FXN: variants seen among roughly 807,000 people sequenced by gnomAD.
FXN encodes frataxin, mitochondrial.
FXN carries 14 observed loss-of-function variants against 22.4 expected under a neutral mutation model. The ratio of observed to expected loss-of-function variants is 0.62; its 90% CI spans 0.41 to 0.98. The LOEUF (loss-of-function observed/expected upper bound fraction) is 0.98. Among genes scored for constraint, FXN ranks in the 50% least tolerant of loss-of-function variants. The probability of loss-of-function intolerance (pLI) is 0.00; values close to 1 mark genes in which losing one functional copy is unlikely to be tolerated. For missense variants in FXN, 267 were observed against 268.4 expected (o/e 0.99, Z 0.04); for synonymous variants, 120 against 114.1 (o/e 1.05, Z -0.33).
chr9:69,050,043 T>C (rs879736293), intron 2 of FXN, among the ~76,000 whole-genome samples: 2 of 152,212 alleles, frequency 1.3e-5, no homozygotes, highest in Non-Finnish European at 2.9e-5. Context: ...CCCTCCCTCT[T>C]TTCCTTCTAG....
In FXN at chr9:69,076,748, G is replaced by A; in HGVS notation, c.*3986G>A. 4.1e-6 allele frequency: 4 copies of A among 985,382 alleles called. No individual in the cohort carries two copies. The highest frequency in any genetic ancestry group is 4.8e-6 in the Non-Finnish European group (4 of 829,924). The allele number at this position is 985,382 out of a possible 1,614,324, so 61.0% of individuals were successfully genotyped here. A position where few individuals can be genotyped will look rare whatever the true frequency, so the allele number is the denominator to read the frequency against. Reference sequence around the variant, plus strand: ...ACACACTAAGATGAAAGTAATTTTAGTCCGTGTCCAGTTGGATTCTTGGCA... The same window carrying A: ...ACACACTAAGATGAAAGTAATTTTAATCCGTGTCCAGTTGGATTCTTGGCA... On this transcript the variant is annotated 3_prime_UTR_variant, in exon 5 of 5. Coordinates refer to ENST00000484259, the MANE Select transcript of FXN (RefSeq NM_000144.5).
At chr9:69,066,938 A>C (rs1003192900) in intron 4 of FXN, among the ~76,000 whole-genome samples, 2 of 151,992 alleles carry the variant, frequency 1.3e-5, no homozygotes, top group African/African-American at 4.8e-5. Context: ...CCTTGGCCAG[A>C]GCAGGCCACA....
At chr9:69,048,320 T>C (rs1831795621) in intron 2 of FXN, among the ~76,000 whole-genome samples, 1 of 152,158 alleles carries the variant, frequency 6.6e-6, no homozygotes, top group Non-Finnish European at 1.5e-5. Context: ...CCTTAGCTTC[T>C]CTGGCTGAGT....
chr9:69,071,245 C>T (rs748394966), intron 4 of FXN: 2 of 519,060 alleles, frequency 3.9e-6, no homozygotes, highest in Non-Finnish European at 7.7e-6. Context: ...AGTCCTTTTC[C>T]TGTGACCCTG....
intron 1 of FXN, among the ~76,000 whole-genome samples, chr9:69,039,911 C>T (rs564611637): frequency 6.6e-6 from 1 of 152,232 alleles, no homozygotes; most frequent in East Asian, 1.9e-4. Context: ...CGGCACCGGG[C>T]GTCATATGGT....
At chr9:69,062,778 G>A (rs1046165308) in intron 3 of FXN, among the ~76,000 whole-genome samples, 1 of 152,056 alleles carries the variant, frequency 6.6e-6, no homozygotes, top group Non-Finnish European at 1.5e-5. Flanking sequence ...GTGTTACAAG[G>A]TGAAAAGTTC....
chr9:69,040,994 C>G (rs1831647985), intron 1 of FXN, among the ~76,000 whole-genome samples: 1 of 152,180 alleles, frequency 6.6e-6, no homozygotes, highest in Non-Finnish European at 1.5e-5. Flanking sequence ...AAACACATTT[C>G]TATTGTTTAT....
At chr9:69,057,561 A>G (rs1210937012) in intron 3 of FXN, among the ~76,000 whole-genome samples, 1 of 152,176 alleles carries the variant, frequency 6.6e-6, no homozygotes, top group Non-Finnish European at 1.5e-5. Context: ...CTAAAGCTAT[A>G]CAGTGGCTGC....
chr9:69,067,199 C>A (rs12684239), intron 4 of FXN, among the ~76,000 whole-genome samples: 1 of 152,210 alleles, frequency 6.6e-6, no homozygotes, highest in Admixed American at 6.5e-5. Flanking sequence ...CGTCCCGCTC[C>A]GGGCCTCACC....
intron 4 of FXN, among the ~76,000 whole-genome samples, chr9:69,068,770 T>C (rs1451696734): frequency 6.6e-6 from 1 of 152,028 alleles, no homozygotes; most frequent in Non-Finnish European, 1.5e-5. Flanking sequence ...CTGGTGGTGG[T>C]CTTACGTTGA....
At chr9:69,065,958 A>G (rs192126341) in intron 4 of FXN, among the ~76,000 whole-genome samples, 33 of 152,304 alleles carry the variant, frequency 2.2e-4, no homozygotes, top group Admixed American at 1.8e-3. Flanking sequence ...TTGCTGCTCC[A>G]GGGCATTTAA....
At position 69,078,300 on chromosome 9, in the gene FXN, A is replaced by T; in HGVS notation, c.*5538A>T. The T allele has an allele frequency of 2.0e-6, 2 of 985,444 alleles. No individual in the cohort carries two copies. The highest frequency in any genetic ancestry group is 2.4e-6 in the Non-Finnish European group (2 of 829,964). 61.0% of individuals were successfully genotyped at this position (985,444 alleles called of 1,614,324 possible). A position where few individuals can be genotyped will look rare whatever the true frequency, so the allele number is the denominator to read the frequency against. On this transcript the variant is annotated 3_prime_UTR_variant, in exon 5 of 5. Coordinates refer to ENST00000484259, the MANE Select transcript of FXN (RefSeq NM_000144.5). ...AGCATAGCCACCTGATCCTGCTGGG[A>T]TTCCTCTTGCCAGTCCATCAGCAGT...
intron 4 of FXN, among the ~76,000 whole-genome samples, chr9:69,072,119 A>C (rs2133137558): frequency 6.6e-6 from 1 of 152,344 alleles, no homozygotes; most frequent in African/African-American, 2.4e-5. Flanking sequence ...GGGGTGATGC[A>C]GATGTTTTGA....
At chr9:69,063,947 G>A (rs959868353) in intron 3 of FXN, among the ~76,000 whole-genome samples, 7 of 152,190 alleles carry the variant, frequency 4.6e-5, no homozygotes, top group African/African-American at 1.4e-4. Context: ...GCCTCCCAAA[G>A]TGCTGGAATT....
At chr9:69,044,309 C>T (rs1831708426) in intron 1 of FXN, among the ~76,000 whole-genome samples, 3 of 152,158 alleles carry the variant, frequency 2.0e-5, no homozygotes, top group African/African-American at 7.2e-5. Flanking sequence ...AGATGGAGAA[C>T]ACTGTAGAAT....
intron 3 of FXN, among the ~76,000 whole-genome samples, chr9:69,064,502 C>T (rs1158178328): frequency 1.3e-5 from 2 of 152,272 alleles, no homozygotes; most frequent in South Asian, 2.1e-4. Context: ...CTGTAATAGA[C>T]TTGTCATGTC....
At chr9:69,035,978 C>T (rs867828366) in intron 1 of FXN, 31 bp downstream of exon 1, 6 of 1,407,246 alleles carry the variant, frequency 4.3e-6, no homozygotes, top group Non-Finnish European at 4.6e-6. Context: ...CAGCCGCGGG[C>T]CGCACGCCGC....
chr9:69,047,256 A>G (rs1008545856), intron 2 of FXN, among the ~76,000 whole-genome samples: 1 of 152,068 alleles, frequency 6.6e-6, no homozygotes, highest in Non-Finnish European at 1.5e-5. Context: ...GCCACCTCCG[A>G]GTCCAAGATT....
At chr9:69,038,687 G>A (rs1218759983) in intron 1 of FXN, among the ~76,000 whole-genome samples, 1 of 151,678 alleles carries the variant, frequency 6.6e-6, no homozygotes. Context: ...GCATGGTGGT[G>A]GGTGCCTGTA....
Sources: allele counts gnomAD v4.1 joint callset (sites outside exome capture counted in the v4.1 genomes callset), GRCh38; gene constraint gnomAD v4.1.1; transcripts MANE v1.5; gene names NCBI Gene and HGNC (gene_info 2026-07-23, HGNC 2026-07-21).